Variants in FBXO11 observed in about 807,000 individuals in gnomAD.
FBXO11 encodes the protein F-box protein 11.
Under a neutral mutation model 117.0 loss-of-function variants are expected in FBXO11, and 13 were observed. That is an observed-to-expected ratio of 0.11 (90% CI 0.07 to 0.18). The LOEUF is 0.18. Ranked by LOEUF, FBXO11 falls within the 10% of genes least tolerant of loss-of-function variation. The pLI is 1.00. For missense variants in FBXO11, 767 were observed against 1,164.4 expected (o/e 0.66, Z 4.97); for synonymous variants, 490 against 380.5 (o/e 1.29, Z -3.35).
At chr2:47,855,830 C>T (rs1221607017) in intron 1 of FBXO11, among the ~76,000 whole-genome samples, 1 of 149,054 alleles carries the variant, frequency 6.7e-6, no homozygotes, top group African/African-American at 2.5e-5. Context: ...GAAACTCCAT[C>T]TCAAACAGTT....
At position 47,862,364 on chromosome 2, in the gene FBXO11, C is replaced by T. The variant is rs530845112; in HGVS notation, c.233-22595G>A. On this transcript the variant is annotated intron_variant, in intron 1 of 22. Transcript: ENST00000403359. ...ACTAGAGCAGTAATAGCCTGAAATT[C>T]AAAAGAAATGAAACAAAGGGCGGGT... Among the ~76,000 whole-genome samples the T allele has an allele frequency of 2.0e-5, 3 of 152,120 alleles. No homozygotes were observed. The South Asian group carries it at 6.2e-4, about 32-fold the overall frequency.
At chr2:47,835,523 G>T (rs542692078) in intron 5 of FBXO11, among the ~76,000 whole-genome samples, 9 of 151,622 alleles carry the variant, frequency 5.9e-5, no homozygotes, top group Admixed American at 1.3e-4. Flanking sequence ...CCTGAGACAA[G>T]AGTCTCACTC....
chr2:47,905,735 T>G lies in FBXO11; in HGVS notation c.-15A>C. On this transcript the variant is annotated 5_prime_UTR_variant, in exon 1 of 23. Coordinates refer to ENST00000403359, the MANE Select transcript of FBXO11 (RefSeq NM_001190274.2). ...ACGGAGTTCATTTGCCGGGCTGAGGTGGCGGCGTTGGCGGAGGGACACACA... is the reference window on the plus strand; with the variant it reads ...ACGGAGTTCATTTGCCGGGCTGAGGGGGCGGCGTTGGCGGAGGGACACACA... 3 of 1,423,868 alleles carry G rather than the reference T, an allele frequency of 2.1e-6. No homozygotes were observed. The highest frequency in any genetic ancestry group is 2.8e-6 in the Non-Finnish European group (3 of 1,079,664). 88.2% of individuals were successfully genotyped at this position (1,423,868 alleles called of 1,614,324 possible).
chr2:47,808,765 C>T (rs934762745), intron 21 of FBXO11: 18 of 275,596 alleles, frequency 6.5e-5, no homozygotes, highest in South Asian at 2.0e-4. Context: ...CACTTAACCC[C>T]GACATCTTTA....
chr2:47,831,601 T>A (rs1220533204), intron 11 of FBXO11, among the ~76,000 whole-genome samples: 2 of 151,950 alleles, frequency 1.3e-5, no homozygotes, highest in Admixed American at 6.6e-5. Context: ...CAACAAAAAA[T>A]TTTACCAATG....
In FBXO11 at chr2:47,809,585, C is replaced by G. The variant is rs1670471006; in HGVS notation, c.2446+15G>C. ...ATATTGCATATATTTATAGGTATAG[C>G]AGACTCCAACATACCTTTCATTGTC... On this transcript the variant is annotated intron_variant, in intron 20 of 22. Coordinates refer to ENST00000403359, the MANE Select transcript of FBXO11 (RefSeq NM_001190274.2). 2.6e-6 allele frequency: 4 copies of G among 1,557,394 alleles called. No homozygotes were observed. Among genetic ancestry groups the G allele is most frequent in the East Asian group, 2.2e-5 (1 of 44,500 alleles).
chr2:47,851,128 T>A (rs370046891), intron 1 of FBXO11, among the ~76,000 whole-genome samples: 39 of 151,756 alleles, frequency 2.6e-4, no homozygotes, highest in African/African-American at 8.9e-4. Context: ...ATATCATTAA[T>A]TCAAGAACAG....
intron 1 of FBXO11, among the ~76,000 whole-genome samples, chr2:47,875,800 G>A (rs1440348169): frequency 6.6e-6 from 1 of 152,176 alleles, no homozygotes; most frequent in Non-Finnish European, 1.5e-5. Context: ...AACTGACCCT[G>A]ATGGTATACC....
intron 14 of FBXO11, among the ~76,000 whole-genome samples, chr2:47,819,503 C>CG (rs1398930324): frequency 2.0e-5 from 3 of 152,132 alleles, no homozygotes; most frequent in African/African-American, 7.2e-5. Context: ...TGTGAGCCAC[C>CG]GCGCCCGGCC....
intron 1 of FBXO11, among the ~76,000 whole-genome samples, chr2:47,901,381 A>C (rs1678290427): frequency 6.6e-6 from 1 of 151,794 alleles, no homozygotes; most frequent in Non-Finnish European, 1.5e-5. Flanking sequence ...GACTTTTCCA[A>C]TAACTAGAAA....
chr2:47,841,774 G>A (rs1419746863), intron 1 of FBXO11, among the ~76,000 whole-genome samples: 1 of 151,694 alleles, frequency 6.6e-6, no homozygotes, highest in African/African-American at 2.4e-5. Context: ...CTGAGTAGCT[G>A]GGACTACAGG....
chr2:47,898,264 G>GA (rs1373646967), intron 1 of FBXO11, among the ~76,000 whole-genome samples: 1 of 152,138 alleles, frequency 6.6e-6, no homozygotes, highest in African/African-American at 2.4e-5. Flanking sequence ...TCATGTAAAG[G>GA]AAGTTAGTTG....
At chr2:47,858,139 T>G (rs1674459969) in intron 1 of FBXO11, among the ~76,000 whole-genome samples, 1 of 151,962 alleles carries the variant, frequency 6.6e-6, no homozygotes, top group Non-Finnish European at 1.5e-5. Flanking sequence ...GGAGCCTCAC[T>G]CTGTTGCTCA....
In FBXO11 at chr2:47,810,578, T is replaced by G. The variant is rs1333693821; in HGVS notation, c.2228-152A>C. 4 of 544,954 alleles carry G rather than the reference T, an allele frequency of 7.3e-6. No individual in the cohort carries two copies. In the East Asian group the frequency reaches 1.2e-4, roughly 17 times the overall value. The allele number at this position is 544,954 out of a possible 1,614,324, so 33.8% of individuals were successfully genotyped here. A position where few individuals can be genotyped will look rare whatever the true frequency, so the allele number is the denominator to read the frequency against. On this transcript the variant is annotated intron_variant, in intron 18 of 22. Transcript: ENST00000403359. ...TCAGCCAAAACAAGTTTATTAGCAATTCAGAGGTATTAAGGATCTAACAAA... is the reference window on the plus strand; with the variant it reads ...TCAGCCAAAACAAGTTTATTAGCAAGTCAGAGGTATTAAGGATCTAACAAA...
chr2:47,886,633 A>G (rs1385447052), intron 1 of FBXO11, among the ~76,000 whole-genome samples: 1 of 152,198 alleles, frequency 6.6e-6, no homozygotes, highest in Non-Finnish European at 1.5e-5. Flanking sequence ...TAAATATTTA[A>G]TACATTGTGG....
intron 1 of FBXO11, among the ~76,000 whole-genome samples, chr2:47,887,000 G>A (rs113993723): frequency 1.3e-5 from 2 of 152,008 alleles, no homozygotes; most frequent in African/African-American, 4.8e-5. Flanking sequence ...GTAAAAGAGC[G>A]ACAGGGCAGA....
chr2:47,886,823 T>C (rs1676888696), intron 1 of FBXO11, among the ~76,000 whole-genome samples: 1 of 152,048 alleles, frequency 6.6e-6, no homozygotes, highest in Admixed American at 6.6e-5. Context: ...ACACATGCAT[T>C]TAAAAAATTG....
intron 1 of FBXO11, among the ~76,000 whole-genome samples, chr2:47,864,178 TAATTA>T (rs1227198542): frequency 1.3e-5 from 2 of 152,230 alleles, no homozygotes; most frequent in Non-Finnish European, 2.9e-5. Context: ...GAATCCCTCC[TAATTA>T]AATGTTCCTA....
At chr2:47,860,319 G>A (rs1255684425) in intron 1 of FBXO11, among the ~76,000 whole-genome samples, 3 of 151,938 alleles carry the variant, frequency 2.0e-5, no homozygotes, top group African/African-American at 4.8e-5. Flanking sequence ...ATGAGAAATT[G>A]GCTATATTTC....
Sources: allele counts gnomAD v4.1 joint callset (sites outside exome capture counted in the v4.1 genomes callset), GRCh38; gene constraint gnomAD v4.1.1; transcripts MANE v1.5; gene names NCBI Gene and HGNC (gene_info 2026-07-23, HGNC 2026-07-21).